Variants in FILIP1 observed in about 807,000 individuals in gnomAD.
The protein encoded by FILIP1 is filamin A interacting protein 1, also known as filamin-A-interacting protein 1.
A neutral mutation model predicts 102.1 loss-of-function variants in FILIP1; 61 were observed. The ratio of observed to expected loss-of-function variants is 0.60; its 90% CI spans 0.49 to 0.74. FILIP1 has a LOEUF of 0.74. Among genes scored for constraint, FILIP1 ranks in the 30% least tolerant of loss-of-function variants. The pLI is 0.00. For synonymous variants in FILIP1, 491 were observed against 526.9 expected (o/e 0.93, Z 0.93); for missense variants, 1,314 against 1,441.2 (o/e 0.91, Z 1.43).
chr6:75,380,821 C>T (rs1775886225), intron 2 of FILIP1, among the ~76,000 whole-genome samples: 1 of 152,064 alleles, frequency 6.6e-6, no homozygotes, highest in East Asian at 1.9e-4. Flanking sequence ...TGCATATATA[C>T]TGTGCTTGCA....
At chr6:75,492,865 T>C (rs2149791197) in intron 1 of FILIP1, among the ~76,000 whole-genome samples, 1 of 152,320 alleles carries the variant, frequency 6.6e-6, no homozygotes, top group Non-Finnish European at 1.5e-5. Flanking sequence ...GCATTTGGGG[T>C]GACTCTAGTG....
At chr6:75,347,773 T>C (rs1241383096) in intron 4 of FILIP1, among the ~76,000 whole-genome samples, 1 of 152,150 alleles carries the variant, frequency 6.6e-6, no homozygotes, top group African/African-American at 2.4e-5. Context: ...ACCAGATATA[T>C]GACCAACCCC....
At chr6:75,357,406 G>C (rs144861223) in intron 3 of FILIP1, 2 of 152,362 alleles carry the variant, frequency 1.3e-5, no homozygotes, top group Admixed American at 6.5e-5. Flanking sequence ...ATCTATTCTT[G>C]TAGGCTTTTG....
intron 2 of FILIP1, chr6:75,398,952 T>A (rs1399219315): frequency 6.6e-6 from 1 of 152,166 alleles, no homozygotes; most frequent in Non-Finnish European, 1.5e-5. Context: ...AAGCAACTGA[T>A]TTCACAGCTA....
At chr6:75,461,394 C>T (rs1300326711) in intron 1 of FILIP1, among the ~76,000 whole-genome samples, 1 of 152,102 alleles carries the variant, frequency 6.6e-6, no homozygotes, top group Non-Finnish European at 1.5e-5. Flanking sequence ...AATTTATTGG[C>T]TTGGGCATAG....
chr6:75,315,009 G>C lies in FILIP1; in HGVS notation c.823C>G (p.Leu275Val). The change falls in exon 5 of 6, where the codon CTG becomes GTG. Residue 275 changes from leucine (L) to valine (V), a missense_variant. Physicochemically the swap from Leu to Val is conservative, Grantham distance 32. Transcript: ENST00000237172. ...TTGAGCTTCTCTTCTTCTTCCCTCA[G>C]CTTCTGAGTAAGATCCTGTACTTTC... ...SQKVQDLTQKLREEEEKLKAI... is the reference protein window; with the variant it reads ...SQKVQDLTQKVREEEEKLKAI... 1 of 1,613,870 alleles carries C rather than the reference G, an allele frequency of 6.2e-7. No homozygotes were observed. Among genetic ancestry groups the C allele is most frequent in the Non-Finnish European group, 8.5e-7 (1 of 1,179,964 alleles).
intron 2 of FILIP1, among the ~76,000 whole-genome samples, chr6:75,372,777 AGAAAGAAAGAAAGAAAGAAG>A (rs1562516126): frequency 0.011 from 924 of 82,734 alleles, 121 homozygotes; most frequent in South Asian, 0.021. Context: ...AAAGAAAGAA[AGAAAGAAAGAAAGAAAGAAG>A]GAAAGAAAGA....
Position 75,308,269 on chromosome 6 carries a change from C to CTT in FILIP1, c.*420_*421dup. ...GCAAATGACAATAGTTAAAGTATGTCTTATTTTGTAATAGGATTTTTTTAA... is the reference window on the plus strand; with the variant it reads ...GCAAATGACAATAGTTAAAGTATGTCTTTTATTTTGTAATAGGATTTTTTTAA... On this transcript the variant is annotated 3_prime_UTR_variant, in exon 6 of 6. Coordinates refer to ENST00000237172, the MANE Select transcript of FILIP1 (RefSeq NM_015687.5). 1.0e-6 allele frequency: 1 copy of CTT among 992,642 alleles called. No individual in the cohort carries two copies. Among genetic ancestry groups the CTT allele is most frequent in the Non-Finnish European group, 1.2e-6 (1 of 833,050 alleles). The allele number at this position is 992,642 out of a possible 1,614,324, so 61.5% of individuals were successfully genotyped here.
downstream of FILIP1, among the ~76,000 whole-genome samples, chr6:75,303,745 G>C (rs1346965905): frequency 1.3e-5 from 2 of 151,594 alleles, no homozygotes; most frequent in Non-Finnish European, 2.9e-5. Flanking sequence ...GATGTAAAGA[G>C]AAAGAGGGAG....
chr6:75,492,174 T>C (rs1403756683), intron 1 of FILIP1, among the ~76,000 whole-genome samples: 3 of 152,196 alleles, frequency 2.0e-5, no homozygotes, highest in Non-Finnish European at 4.4e-5. Flanking sequence ...AACAGAATTA[T>C]AAAACATAAC....
chr6:75,313,488 A>G lies in FILIP1; in HGVS notation c.2344T>C (p.Tyr782His). The G allele has an allele frequency of 6.2e-7, 1 of 1,614,214 alleles. No homozygotes were observed. The highest frequency in any genetic ancestry group is 8.5e-7 in the Non-Finnish European group (1 of 1,180,050). ...ACACTGGGCCTAAGAGCTCTGCTGTAGCGCTTGGAAAGCTCCAACTCTTTG... is the reference window on the plus strand; with the variant it reads ...ACACTGGGCCTAAGAGCTCTGCTGTGGCGCTTGGAAAGCTCCAACTCTTTG... ...LTKELELSKR[Y>H]SRALRPSVNG... The change falls in exon 5 of 6, where the codon TAC becomes CAC. Residue 782 changes from tyrosine (Y) to histidine (H), a missense_variant. This residue lies in a region of FILIP1 where 816 missense variants were observed against 913.1 expected (regional missense o/e 0.89). Coordinates refer to ENST00000237172, the MANE Select transcript of FILIP1 (RefSeq NM_015687.5). This position sits in a 1 kb window ranked among gnomAD's most constrained non-coding sequence, Gnocchi z 4.2.
chr6:75,474,853 C>T (rs1248789223), intron 1 of FILIP1, among the ~76,000 whole-genome samples: 1 of 152,216 alleles, frequency 6.6e-6, no homozygotes, highest in African/African-American at 2.4e-5. Context: ...CACCTTGGTA[C>T]TGTCCTTGCA....
chr6:75,383,585 T>C (rs1422999149), intron 2 of FILIP1, among the ~76,000 whole-genome samples: 1 of 152,210 alleles, frequency 6.6e-6, no homozygotes, highest in Non-Finnish European at 1.5e-5. Flanking sequence ...GCTAATTCTA[T>C]TAATAATTTG....
chr6:75,450,952 T>A (rs1168616464), intron 1 of FILIP1, among the ~76,000 whole-genome samples: 2 of 151,994 alleles, frequency 1.3e-5, no homozygotes, highest in Non-Finnish European at 2.9e-5. Context: ...CGAAACTCCA[T>A]CTCAAAAAAA....
chr6:75,464,489 A>C (rs1393470667), intron 1 of FILIP1, among the ~76,000 whole-genome samples: 1 of 152,234 alleles, frequency 6.6e-6, no homozygotes, highest in Non-Finnish European at 1.5e-5. Context: ...TTAATGCCTG[A>C]ACATTTTGTA....
At chr6:75,377,044 T>C (rs1392539229) in intron 2 of FILIP1, among the ~76,000 whole-genome samples, 1 of 152,108 alleles carries the variant, frequency 6.6e-6, no homozygotes, top group Non-Finnish European at 1.5e-5. Context: ...ACATAACACA[T>C]TTTGCTAGTA....
chr6:75,387,712 CT>C (rs1776145763), intron 2 of FILIP1, among the ~76,000 whole-genome samples: 1 of 152,138 alleles, frequency 6.6e-6, no homozygotes, highest in African/African-American at 2.4e-5. Context: ...CCTTTGCCCA[CT>C]TTTTGATGGG....
At chr6:75,341,394 G>A (rs562288829) in intron 4 of FILIP1, among the ~76,000 whole-genome samples, 200 of 152,074 alleles carry the variant, frequency 1.3e-3, no homozygotes, top group African/African-American at 4.7e-3. Context: ...CTGGGATCAA[G>A]TGATCTGCCT....
At chr6:75,491,814 A>G (rs1779965763) in intron 1 of FILIP1, among the ~76,000 whole-genome samples, 1 of 152,170 alleles carries the variant, frequency 6.6e-6, no homozygotes, top group Admixed American at 6.6e-5. Context: ...ATACTGAAAA[A>G]TTCACTTCAT....
Sources: allele counts gnomAD v4.1 joint callset (sites outside exome capture counted in the v4.1 genomes callset), GRCh38; gene constraint gnomAD v4.1.1; regional missense constraint gnomAD v4.1.1; non-coding constraint Gnocchi (gnomAD v3.1); transcripts MANE v1.5; gene names NCBI Gene and HGNC (gene_info 2026-07-23, HGNC 2026-07-21).